The following RIPOR3 variants were observed in gnomAD, a reference collection of about 807,000 sequenced individuals.
RIPOR3 encodes family with sequence similarity 65 member C.
Under a neutral mutation model 114.3 loss-of-function variants are expected in RIPOR3, and 95 were observed. The observed-to-expected ratio is 0.83, with a 90% CI of 0.70 to 0.99. RIPOR3 has a LOEUF of 0.99. RIPOR3 is among the 50% of genes least tolerant of loss of function. RIPOR3 has a pLI of 0.00. For missense variants in RIPOR3, 1,252 were observed against 1,266.9 expected, an observed-to-expected ratio of 0.99 and a Z score of 0.18; for synonymous variants, 575 against 543.8, an observed-to-expected ratio of 1.06 and a Z score of -0.80.
chr20:50,658,585 A>G (rs2085892485), intron 1 of RIPOR3, among the ~76,000 whole-genome samples: 1 of 152,048 alleles, frequency 6.6e-6, no homozygotes, highest in Admixed American at 6.6e-5. Context: ...GTGGTGGTAT[A>G]TGCCTACTAC....
At chr20:50,611,286 G>A in intron 4 of RIPOR3, 82 bp from the exon 5 acceptor site, 1 of 1,587,048 alleles carries the variant, frequency 6.3e-7, no homozygotes, top group Non-Finnish European at 8.6e-7. Context: ...TATGCTGGCG[G>A]CGCCTGAGCT....
chr20:50,593,831 C>T (rs1057147447), intron 17 of RIPOR3, among the ~76,000 whole-genome samples: 1 of 152,154 alleles, frequency 6.6e-6, no homozygotes, highest in African/African-American at 2.4e-5. Flanking sequence ...TTCACTTGCT[C>T]CACAGAGAAA....
intron 1 of RIPOR3, among the ~76,000 whole-genome samples, chr20:50,650,310 A>AT (rs900133363): frequency 1.3e-5 from 2 of 151,274 alleles, no homozygotes; most frequent in South Asian, 2.1e-4. Flanking sequence ...CAACATAGGA[A>AT]TTTTTTTTTG....
At chr20:50,646,800 C>T (rs150959203) in intron 1 of RIPOR3, among the ~76,000 whole-genome samples, 109 of 152,312 alleles carry the variant, frequency 7.2e-4, no homozygotes, top group African/African-American at 2.5e-3. Flanking sequence ...CAGGCAGACA[C>T]TAAAGTTTGT....
chr20:50,684,648 TGGGGA>T (rs2086957347), intron 1 of RIPOR3, among the ~76,000 whole-genome samples: 2 of 151,944 alleles, frequency 1.3e-5, no homozygotes, highest in African/African-American at 4.8e-5. Flanking sequence ...GAGACACTGG[TGGGGA>T]GGCAACTGCA....
At chr20:50,648,169 G>A (rs147268011) in intron 1 of RIPOR3, among the ~76,000 whole-genome samples, 3,169 of 151,812 alleles carry the variant, frequency 0.021, 118 homozygotes, top group African/African-American at 0.073. Context: ...CCAGCTACTC[G>A]GGAGACTGAG....
chr20:50,602,049 C>T lies in RIPOR3; in HGVS notation c.1659+23G>A, dbSNP rs780379658. ...CATGCCATCAGCAAAGCAGGGCCAC[C>T]GCCCGGGGCGGGGTGGCCATACCTT... On this transcript the variant is annotated intron_variant, in intron 13 of 21. Coordinates refer to ENST00000327979, the MANE Select transcript of RIPOR3 (RefSeq NM_001290268.2). This position sits in a 1 kb window ranked among gnomAD's most constrained non-coding sequence, Gnocchi z 4.3. 1.6e-5 allele frequency: 23 copies of T among 1,466,502 alleles called. No homozygotes were observed. Among genetic ancestry groups the T allele is most frequent in the African/African-American group, 4.3e-5 (3 of 70,140 alleles). 90.8% of individuals were successfully genotyped at this position (1,466,502 alleles called of 1,614,324 possible).
chr20:50,661,024 G>A (rs1161911896), intron 1 of RIPOR3, among the ~76,000 whole-genome samples: 2 of 151,646 alleles, frequency 1.3e-5, no homozygotes, highest in African/African-American at 4.8e-5. Context: ...GATCACCTGA[G>A]GTCAGGAGTA....
intron 1 of RIPOR3, chr20:50,645,343 G>A (rs2295721): frequency 6.6e-6 from 1 of 152,186 alleles, no homozygotes; most frequent in African/African-American, 2.4e-5. Flanking sequence ...ATAGGACAGA[G>A]CCTGTTCGCA....
chr20:50,636,439 G>T, intron 1 of RIPOR3: 1 of 482,876 alleles, frequency 2.1e-6, no homozygotes, highest in Non-Finnish European at 2.7e-6. Context: ...CCCTGGGGAG[G>T]CATCAGGAAG....
chr20:50,601,921 G>A, intron 13 of RIPOR3, 151 bp downstream of exon 13: 6 of 716,440 alleles, frequency 8.4e-6, no homozygotes, highest in Non-Finnish European at 1.3e-5. Flanking sequence ...GCCAGATGAG[G>A]AAACCAAGGC....
chr20:50,631,530 AG>A (rs1264854693), intron 1 of RIPOR3, among the ~76,000 whole-genome samples: 2 of 152,204 alleles, frequency 1.3e-5, no homozygotes, highest in East Asian at 3.9e-4. Flanking sequence ...AGAGGCCGGC[AG>A]GGCTCAGGTC....
intron 11 of RIPOR3, among the ~76,000 whole-genome samples, chr20:50,608,042 A>C (rs1292027221): frequency 6.6e-6 from 1 of 151,762 alleles, no homozygotes; most frequent in Non-Finnish European, 1.5e-5. Context: ...GTCGGCCAGG[A>C]ATGAGGGGGT....
chr20:50,669,577 C>A (rs538653664), intron 1 of RIPOR3, among the ~76,000 whole-genome samples: 7 of 152,122 alleles, frequency 4.6e-5, no homozygotes, highest in Non-Finnish European at 1.0e-4. Flanking sequence ...TAGAAGTCAC[C>A]GCTGCGCACT....
At chr20:50,588,749 GAAAAAAAA>G (rs869194473) in intron 20 of RIPOR3, among the ~76,000 whole-genome samples, 4 of 58,454 alleles carry the variant, frequency 6.8e-5, no homozygotes, top group African/African-American at 2.6e-4. Context: ...ATTCTCAAGT[GAAAAAAAA>G]AAAAAAAAAA....
chr20:50,619,657 TTAC>T (rs986266516), intron 3 of RIPOR3, among the ~76,000 whole-genome samples: 1 of 152,202 alleles, frequency 6.6e-6, no homozygotes, highest in Non-Finnish European at 1.5e-5. Context: ...TGTCTCTCTG[TTAC>T]CTTTCTTCAT....
intron 1 of RIPOR3, among the ~76,000 whole-genome samples, chr20:50,635,356 A>C (rs2084947317): frequency 6.6e-6 from 1 of 152,128 alleles, no homozygotes; most frequent in Non-Finnish European, 1.5e-5. Context: ...TTTGCAGATA[A>C]GGAAACCGAG....
At chr20:50,679,253 G>T (rs551457746) in intron 1 of RIPOR3, among the ~76,000 whole-genome samples, 4 of 145,210 alleles carry the variant, frequency 2.8e-5, no homozygotes, top group South Asian at 4.4e-4. Flanking sequence ...TAAAATGAGG[G>T]TGCCACTTGG....
At chr20:50,676,957 C>T (rs990379816) in intron 1 of RIPOR3, among the ~76,000 whole-genome samples, 1 of 152,094 alleles carries the variant, frequency 6.6e-6, no homozygotes, top group Non-Finnish European at 1.5e-5. Flanking sequence ...GCACCAGCTG[C>T]GTGCACCGCA....
Sources: gnomAD v4.1 joint callset for allele counts (sites outside exome capture counted in the v4.1 genomes callset) on GRCh38, gnomAD v4.1.1 for gene constraint, Gnocchi (gnomAD v3.1) non-coding constraint, MANE v1.5 for transcripts, NCBI Gene and HGNC (gene_info 2026-07-23, HGNC 2026-07-21) for gene names.